The following MTHFD2L variants were observed in gnomAD, a reference collection of about 807,000 sequenced individuals.
The protein encoded by MTHFD2L is bifunctional methylenetetrahydrofolate dehydrogenase/cyclohydrolase 2, mitochondrial.
Under a neutral mutation model 34.9 loss-of-function variants are expected in MTHFD2L, and 29 were observed. The ratio of observed to expected loss-of-function variants is 0.83; its 90% CI spans 0.62 to 1.13. MTHFD2L has a LOEUF of 1.13. Among genes scored for constraint, MTHFD2L ranks in the 50% most tolerant of loss-of-function variants. MTHFD2L has a pLI of 0.00. For synonymous variants in MTHFD2L, 167 were observed against 155.7 expected, an observed-to-expected ratio of 1.07 and a Z score of -0.54; for missense variants, 481 against 446.5, an observed-to-expected ratio of 1.08 and a Z score of -0.70.
rs1728687830 is a variant in MTHFD2L at position 74,174,682 on chromosome 4, C to T, written c.320C>T (p.Ser107Phe). Reference protein sequence around the residue: ...TYVRNKIRAASAVGICSELIL... With the variant: ...TYVRNKIRAAFAVGICSELIL... The stretch of plus-strand genomic sequence containing the variant: ...GTCAGGAATAAGATAAGAGCTGCCT[C>T]TGCTGTAGGTGGGTGTGTGTTTTAG... Residue 107 changes from serine to phenylalanine, a missense_variant, in exon 2 of 8, where the codon TCT becomes TTT. Ser to Phe is a radical substitution (Grantham distance 155). Transcript: ENST00000325278. 5 of 1,526,482 alleles carry T rather than the reference C, an allele frequency of 3.3e-6. No individual in the cohort carries two copies. In the Admixed American group the frequency reaches 1.1e-4, roughly 32 times the overall value. 94.6% of individuals were successfully genotyped at this position (1,526,482 alleles called of 1,614,324 possible).
At chr4:74,189,485 C>CCTTTTTTTTTTTTTTTTTTT (rs1168720652) in intron 3 of MTHFD2L, among the ~76,000 whole-genome samples, 1 of 119,824 alleles carries the variant, frequency 8.3e-6, no homozygotes, top group African/African-American at 4.1e-5. Context: ...GTTTTTCTTC[C>CCTTTTTTTTTTTTTTTTTTT]TTTTTTTTTT....
At chr4:74,135,338 G>T (rs1722829449) in intron 1 of MTHFD2L, among the ~76,000 whole-genome samples, 1 of 152,042 alleles carries the variant, frequency 6.6e-6, no homozygotes, top group African/African-American at 2.4e-5. Context: ...TGAGACCTCA[G>T]AAATACTAAG....
intron 3 of MTHFD2L, among the ~76,000 whole-genome samples, chr4:74,181,216 C>T (rs1025091170): frequency 1.3e-5 from 2 of 152,024 alleles, no homozygotes; most frequent in African/African-American, 2.4e-5. Flanking sequence ...TGTGTGAAAA[C>T]ATTTAGATCT....
intron 3 of MTHFD2L, among the ~76,000 whole-genome samples, chr4:74,185,151 C>CAAAAAAAAAAAAAAAA (rs1169021073): frequency 2.5e-4 from 4 of 15,980 alleles, no homozygotes; most frequent in African/African-American, 6.0e-4. Context: ...GACTCCATCT[C>CAAAAAAAAAAAAAAAA]AAAAAAAAAA....
At chr4:74,281,768 C>G (rs570245459) in intron 7 of MTHFD2L, among the ~76,000 whole-genome samples, 33 of 152,114 alleles carry the variant, frequency 2.2e-4, no homozygotes, top group Non-Finnish European at 4.1e-4. Context: ...TTTTCTCCCT[C>G]TCTTCTAATT....
intron 7 of MTHFD2L, among the ~76,000 whole-genome samples, chr4:74,297,155 A>G (rs1749731086): frequency 6.6e-6 from 1 of 152,058 alleles, no homozygotes; most frequent in Non-Finnish European, 1.5e-5. Flanking sequence ...CATCCAAATA[A>G]ATTATTATGA....
intron 1 of MTHFD2L, among the ~76,000 whole-genome samples, chr4:74,148,818 G>A (rs753722959): frequency 1.6e-4 from 24 of 151,626 alleles, no homozygotes; most frequent in African/African-American, 2.2e-4. Context: ...ATAAATAAAC[G>A]GAGAAATCAC....
chr4:74,247,196 T>TC (rs1487986543), intron 6 of MTHFD2L, among the ~76,000 whole-genome samples: 1 of 151,918 alleles, frequency 6.6e-6, no homozygotes, highest in African/African-American at 2.4e-5. Flanking sequence ...GTCCTTCATG[T>TC]CCCTTGTAAG....
At chr4:74,215,993 A>G (rs1304898733) in intron 5 of MTHFD2L, among the ~76,000 whole-genome samples, 1 of 151,768 alleles carries the variant, frequency 6.6e-6, no homozygotes, top group Non-Finnish European at 1.5e-5. Flanking sequence ...CAGTTATCCA[A>G]TGAATTGTCT....
intron 5 of MTHFD2L, among the ~76,000 whole-genome samples, chr4:74,216,029 C>G (rs902586792): frequency 6.6e-6 from 1 of 151,184 alleles, no homozygotes; most frequent in African/African-American, 2.4e-5. Context: ...AACATGTGCT[C>G]AATAAAAATA....
At chr4:74,294,232 A>C (rs890085771) in intron 7 of MTHFD2L, among the ~76,000 whole-genome samples, 2 of 152,180 alleles carry the variant, frequency 1.3e-5, no homozygotes, top group African/African-American at 4.8e-5. Context: ...TTTCCAAAAT[A>C]TACTAGCAAA....
intron 1 of MTHFD2L, among the ~76,000 whole-genome samples, chr4:74,140,954 C>T (rs1723243785): frequency 6.6e-6 from 1 of 152,182 alleles, no homozygotes; most frequent in Admixed American, 6.5e-5. Context: ...CGCAGCCAAA[C>T]CACATCAGGC....
intron 5 of MTHFD2L, among the ~76,000 whole-genome samples, chr4:74,212,238 T>C (rs1279822305): frequency 6.6e-6 from 1 of 152,152 alleles, no homozygotes; most frequent in African/African-American, 2.4e-5. Context: ...TCTGCTAGCT[T>C]TTGAATTTGT....
chr4:74,145,930 C>T (rs1254656327), intron 1 of MTHFD2L, among the ~76,000 whole-genome samples: 1 of 152,078 alleles, frequency 6.6e-6, no homozygotes, highest in Admixed American at 6.5e-5. Flanking sequence ...TGCTATGCTC[C>T]CTATACAGCC....
At chr4:74,118,748 CAGG>C (rs1721698351), upstream of MTHFD2L, among the ~76,000 whole-genome samples, 1 of 152,168 alleles carries the variant, frequency 6.6e-6, no homozygotes, top group Non-Finnish European at 1.5e-5. Flanking sequence ...TGCCACACAG[CAGG>C]AGGTGAGCCA....
At position 74,225,499 on chromosome 4, in the gene MTHFD2L, A is replaced by G. The variant is rs540537418; in HGVS notation, c.805+105A>G. 1.1e-4 allele frequency: 88 copies of G among 814,678 alleles called. 1 individual carries two copies. The South Asian group carries it at 1.3e-3, about 12-fold the overall frequency. The allele number at this position is 814,678 out of a possible 1,614,324, so 50.5% of individuals were successfully genotyped here. The stretch of plus-strand genomic sequence containing the variant: ...CTTTTTGAGAGAGTTAGCTTTATGT[A>G]TGACTAACTTCTGTTGATTGGATTC... On this transcript the variant is annotated intron_variant, in intron 6 of 7. Transcript: ENST00000325278.
intron 3 of MTHFD2L, among the ~76,000 whole-genome samples, chr4:74,192,692 T>G (rs966112784): frequency 1.3e-5 from 2 of 152,186 alleles, no homozygotes; most frequent in African/African-American, 4.8e-5. Flanking sequence ...TGTTCTGATT[T>G]TTTTCGTATA....
chr4:74,169,267 T>C (rs911050524), intron 1 of MTHFD2L, among the ~76,000 whole-genome samples: 7 of 152,224 alleles, frequency 4.6e-5, no homozygotes, highest in African/African-American at 1.7e-4. Context: ...AAGTTTAATC[T>C]GTATACAGGT....
chr4:74,163,608 CAA>C (rs1391967109), intron 1 of MTHFD2L, among the ~76,000 whole-genome samples: 1 of 152,122 alleles, frequency 6.6e-6, no homozygotes, highest in African/African-American at 2.4e-5. Context: ...GGGTATGAAA[CAA>C]ATTTTTTTAA....
Sources: allele counts gnomAD v4.1 joint callset (sites outside exome capture counted in the v4.1 genomes callset), GRCh38; gene constraint gnomAD v4.1.1; transcripts MANE v1.5; gene names NCBI Gene and HGNC (gene_info 2026-07-23, HGNC 2026-07-21).